ZYG11A: variants seen among roughly 807,000 people sequenced by gnomAD.
ZYG11A encodes the protein zyg-11 family member A, cell cycle regulator.
A neutral mutation model predicts 77.2 loss-of-function variants in ZYG11A; 62 were observed. That is an observed-to-expected ratio of 0.80 (90% CI 0.65 to 0.99). ZYG11A has a LOEUF of 0.99. ZYG11A is among the 50% of genes least tolerant of loss of function. The pLI is 0.00. For synonymous variants in ZYG11A, 315 were observed against 324.6 expected, an observed-to-expected ratio of 0.97 and a Z score of 0.32; for missense variants, 828 against 896.8, an observed-to-expected ratio of 0.92 and a Z score of 0.98.
chr1:52,852,694 G>A (rs1645737613), intron 1 of ZYG11A, among the ~76,000 whole-genome samples: 2 of 151,974 alleles, frequency 1.3e-5, no homozygotes, highest in Admixed American at 6.6e-5. Context: ...GGCATTTTTT[G>A]CCTTATGATA....
At chr1:52,864,316 G>A (rs1223517437) in intron 5 of ZYG11A, among the ~76,000 whole-genome samples, 159 bp downstream of exon 5, 1 of 152,128 alleles carries the variant, frequency 6.6e-6, no homozygotes, top group Non-Finnish European at 1.5e-5. Flanking sequence ...CACGATCTCA[G>A]CTCACTGTAA....
intron 6 of ZYG11A, 38 bp from the exon 7 acceptor site, chr1:52,867,501 T>C: frequency 7.4e-7 from 1 of 1,350,876 alleles, no homozygotes; most frequent in East Asian, 2.5e-5. Flanking sequence ...TCACAAACTT[T>C]ATATATAATT....
chr1:52,853,032 T>C (rs966845243), intron 1 of ZYG11A, among the ~76,000 whole-genome samples: 1 of 152,248 alleles, frequency 6.6e-6, no homozygotes, highest in African/African-American at 2.4e-5. Context: ...ATGGAGAAGC[T>C]ACATCAACAG....
intron 1 of ZYG11A, among the ~76,000 whole-genome samples, chr1:52,850,668 A>G (rs1420613745): frequency 6.6e-6 from 1 of 151,664 alleles, no homozygotes; most frequent in African/African-American, 2.4e-5. Context: ...GTTGGCTAGG[A>G]TGGTCTGTAT....
At chr1:52,890,979 A>G (rs749092420) in intron 13 of ZYG11A, among the ~76,000 whole-genome samples, 2 of 151,610 alleles carry the variant, frequency 1.3e-5, no homozygotes, top group African/African-American at 4.9e-5. Flanking sequence ...GCTCACTGCA[A>G]CCTCTGCCTC....
intron 8 of ZYG11A, among the ~76,000 whole-genome samples, chr1:52,875,354 A>G (rs976052863): frequency 6.6e-6 from 1 of 152,242 alleles, no homozygotes; most frequent in African/African-American, 2.4e-5. Context: ...GAAGGAAAGC[A>G]GAGGTGGGGT....
At chr1:52,853,965 G>C (rs1645761713) in intron 1 of ZYG11A, among the ~76,000 whole-genome samples, 1 of 152,124 alleles carries the variant, frequency 6.6e-6, no homozygotes, top group South Asian at 2.1e-4. Context: ...CTGACTACGG[G>C]TTCAGTATAT....
intron 6 of ZYG11A, 109 bp downstream of exon 6, chr1:52,866,676 A>G (rs981502590): frequency 1.6e-6 from 1 of 641,756 alleles, no homozygotes; most frequent in Non-Finnish European, 2.7e-6. Context: ...TCTGTTGAGC[A>G]TCTTCCACAG....
intron 8 of ZYG11A, among the ~76,000 whole-genome samples, chr1:52,877,107 C>T (rs552540455): frequency 2.6e-5 from 4 of 152,198 alleles, no homozygotes; most frequent in East Asian, 3.9e-4. Context: ...CTTTGCCTGG[C>T]ATGTGCTTCC....
At chr1:52,890,605 T>C (rs12031119) in intron 13 of ZYG11A, among the ~76,000 whole-genome samples, 5,557 of 151,306 alleles carry the variant, frequency 0.037, 424 homozygotes, top group East Asian at 0.34. Context: ...ATAGGTAATT[T>C]TTCTTTTACT....
chr1:52,848,815 C>T (rs902611284), intron 1 of ZYG11A, among the ~76,000 whole-genome samples: 12 of 151,966 alleles, frequency 7.9e-5, no homozygotes, highest in African/African-American at 2.4e-4. Context: ...TGCAGTGAGC[C>T]GAGATCATGC....
chr1:52,886,610 T>A (rs1646455448), intron 12 of ZYG11A, among the ~76,000 whole-genome samples: 1 of 151,144 alleles, frequency 6.6e-6, no homozygotes, highest in Non-Finnish European at 1.5e-5. Flanking sequence ...CACATCTCAA[T>A]GCAGCCTTGA....
chr1:52,854,956 C>G (rs555605548), intron 2 of ZYG11A, among the ~76,000 whole-genome samples: 5 of 152,144 alleles, frequency 3.3e-5, no homozygotes, highest in Admixed American at 6.5e-5. Context: ...CAGCCTCCGC[C>G]TGGGTTTAAG....
chr1:52,872,882 C>CAAAAAA (rs59422649), intron 8 of ZYG11A, among the ~76,000 whole-genome samples: 4 of 112,158 alleles, frequency 3.6e-5, no homozygotes, highest in Admixed American at 1.1e-4. Flanking sequence ...GACTCTGTCT[C>CAAAAAA]AAAAAAAAAA....
chr1:52,872,324 G>T (rs1387829833), intron 8 of ZYG11A, among the ~76,000 whole-genome samples: 7 of 151,842 alleles, frequency 4.6e-5, no homozygotes, highest in Non-Finnish European at 1.0e-4. Flanking sequence ...GTCTGGTCTC[G>T]AACTCCTGAC....
intron 3 of ZYG11A, among the ~76,000 whole-genome samples, chr1:52,859,995 A>G (rs915995574): frequency 3.3e-5 from 5 of 152,176 alleles, no homozygotes; most frequent in Non-Finnish European, 4.4e-5. Context: ...CTTGATTACT[A>G]TAACTTTATA....
chr1:52,843,956 G>T (rs1350405124), intron 1 of ZYG11A, among the ~76,000 whole-genome samples: 1 of 152,168 alleles, frequency 6.6e-6, no homozygotes, highest in Non-Finnish European at 1.5e-5. Flanking sequence ...AGAGTGCTGG[G>T]ATTACAGGCG....
intron 1 of ZYG11A, among the ~76,000 whole-genome samples, chr1:52,851,729 A>T (rs1043064417): frequency 1.3e-5 from 2 of 150,746 alleles, no homozygotes; most frequent in African/African-American, 2.4e-5. Context: ...TATTTTAATT[A>T]ATTTATTTAT....
At chr1:52,876,699 T>A (rs1646267736) in intron 8 of ZYG11A, among the ~76,000 whole-genome samples, 1 of 152,182 alleles carries the variant, frequency 6.6e-6, no homozygotes, top group South Asian at 2.1e-4. Flanking sequence ...CTAACACTCT[T>A]CTCTTGACTC....
Sources: allele counts gnomAD v4.1 joint callset (sites outside exome capture counted in the v4.1 genomes callset), GRCh38; gene constraint gnomAD v4.1.1; transcripts MANE v1.5; gene names NCBI Gene and HGNC (gene_info 2026-07-23, HGNC 2026-07-21).